Variants in C2CD3 observed in about 807,000 individuals in gnomAD.
The protein encoded by C2CD3 is C2 domain-containing protein 3.
Under a neutral mutation model 234.0 loss-of-function variants are expected in C2CD3, and 148 were observed. That is an observed-to-expected ratio of 0.63 (90% CI 0.55 to 0.72). C2CD3 has a LOEUF of 0.72. Ranked by LOEUF, C2CD3 falls within the 30% of genes least tolerant of loss-of-function variation. C2CD3 has a pLI of 0.00. For missense variants in C2CD3, 2,577 were observed against 2,811.5 expected, an observed-to-expected ratio of 0.92 and a Z score of 1.89; for synonymous variants, 1,000 against 1,035.4, an observed-to-expected ratio of 0.97 and a Z score of 0.66.
chr11:74,095,480 A>C (rs1282933101), intron 16 of C2CD3, 72 bp from the exon 17 acceptor site: 2 of 1,173,420 alleles, frequency 1.7e-6, no homozygotes, highest in Admixed American at 4.1e-5. Context: ...CTTCTCTATG[A>C]AGTCTGAGTA....
intron 18 of C2CD3, among the ~76,000 whole-genome samples, 181 bp from the exon 19 acceptor site, chr11:74,092,769 TTA>T (rs1199144023): frequency 4.8e-5 from 7 of 145,532 alleles, no homozygotes; most frequent in African/African-American, 1.7e-4. Context: ...ACTCCATAAA[TTA>T]TACCGAGTTC....
rs900898449 is a variant in C2CD3 at position 74,100,681 on chromosome 11, G to C, written c.2581-5C>G. 1.9e-6 allele frequency: 3 copies of C among 1,600,840 alleles called. No homozygotes were observed. The highest frequency in any genetic ancestry group is 2.6e-6 in the Non-Finnish European group (3 of 1,176,464). ...AGACAGAGAGACAGGAATCACCTAA[G>C]AGAGAGGAACAACCAAAACAAACAA... On this transcript the variant is annotated splice_polypyrimidine_tract_variant and splice_region_variant and intron_variant, in intron 14 of 32. Coordinates refer to ENST00000334126, the MANE Select transcript of C2CD3 (RefSeq NM_001286577.2).
intron 1 of C2CD3, 97 bp from the exon 2 acceptor site, chr11:74,168,710 C>G: frequency 8.7e-7 from 1 of 1,149,598 alleles, no homozygotes; most frequent in Non-Finnish European, 1.2e-6. Flanking sequence ...ACACTTTAGT[C>G]TTAAGTTCAG....
intron 30 of C2CD3, among the ~76,000 whole-genome samples, chr11:74,035,668 GGCATAATGGA>G: frequency 6.6e-6 from 1 of 151,538 alleles, no homozygotes; most frequent in African/African-American, 2.4e-5. Flanking sequence ...AGCATACTGA[GGCATAATGGA>G]GCATAATGGA....
chr11:74,143,301 A>G (rs896387736), intron 3 of C2CD3, among the ~76,000 whole-genome samples: 4 of 152,146 alleles, frequency 2.6e-5, no homozygotes, highest in Admixed American at 2.0e-4. Context: ...AATTTTCACA[A>G]TCATGTTGGT....
intron 8 of C2CD3, among the ~76,000 whole-genome samples, 160 bp from the exon 9 acceptor site, chr11:74,118,542 T>A (rs980234290): frequency 2.0e-5 from 3 of 152,232 alleles, no homozygotes. Flanking sequence ...CTCCTGGTTA[T>A]ACAAAAATAA....
At chr11:74,155,661 C>T (rs1417359508) in intron 3 of C2CD3, among the ~76,000 whole-genome samples, 2 of 151,986 alleles carry the variant, frequency 1.3e-5, no homozygotes, top group African/African-American at 4.8e-5. Context: ...TATATTATTC[C>T]ATCTGTATAA....
At chr11:74,047,158 A>G (rs1252863733) in intron 28 of C2CD3, among the ~76,000 whole-genome samples, 1 of 152,198 alleles carries the variant, frequency 6.6e-6, no homozygotes, top group Non-Finnish European at 1.5e-5. Flanking sequence ...CTGTCCCTTG[A>G]GCAGGGCAGG....
intron 16 of C2CD3, among the ~76,000 whole-genome samples, chr11:74,095,633 A>G (rs1214360460): frequency 6.6e-6 from 1 of 152,236 alleles, no homozygotes; most frequent in African/African-American, 2.4e-5. Context: ...AAATCCATAA[A>G]TGTAATTCAG....
At chr11:74,073,624 C>A (rs942010293) in intron 24 of C2CD3, among the ~76,000 whole-genome samples, 21 of 150,468 alleles carry the variant, frequency 1.4e-4, no homozygotes, top group South Asian at 4.2e-4. Context: ...AACAAAAAAA[C>A]CCCCCTAACT....
intron 1 of C2CD3, among the ~76,000 whole-genome samples, chr11:74,170,159 C>G (rs1377666723): frequency 6.6e-6 from 1 of 152,124 alleles, no homozygotes; most frequent in Non-Finnish European, 1.5e-5. Flanking sequence ...TTCAGGAGAT[C>G]GTCATGCCCT....
rs397943793 is a variant in C2CD3 at position 74,085,142 on chromosome 11, A to AT, written c.3911-173dup. Among the ~76,000 whole-genome samples, 31,421 of 139,308 alleles carry AT rather than the reference A, an allele frequency of 0.23. 3,718 individuals carry two copies. The highest frequency in any genetic ancestry group is 0.3 in the East Asian group (1,422 of 4,784). The allele number at this position is 139,308 out of a possible 152,430, so 91.4% of individuals were successfully genotyped here. ...CCCCAATCAAAGCCTGAATGCCTTCATTTTTTTTTTTTTTTGGCAGGGTCT... is the reference window on the plus strand; with the variant it reads ...CCCCAATCAAAGCCTGAATGCCTTCATTTTTTTTTTTTTTTTGGCAGGGTCT... On this transcript the variant is annotated intron_variant, in intron 21 of 32. Transcript: ENST00000334126.
intron 3 of C2CD3, among the ~76,000 whole-genome samples, chr11:74,143,249 T>C (rs1854927199): frequency 6.6e-6 from 1 of 152,184 alleles, no homozygotes; most frequent in Non-Finnish European, 1.5e-5. Context: ...CTACTATATC[T>C]ACAACATGTA....
intron 23 of C2CD3, among the ~76,000 whole-genome samples, chr11:74,076,671 A>T (rs867018972): frequency 1.3e-5 from 2 of 152,292 alleles, no homozygotes; most frequent in Middle Eastern, 3.4e-3. Context: ...GTATCCTAAC[A>T]TGCAGCTGTC....
chr11:74,167,643 G>A (rs7130254), intron 2 of C2CD3, among the ~76,000 whole-genome samples: 10,823 of 152,182 alleles, frequency 0.071, 435 homozygotes, highest in Middle Eastern at 0.12. Flanking sequence ...ATAAATGCTC[G>A]AATTTTATTG....
At chr11:74,030,261 A>G (rs541970327) in intron 31 of C2CD3, among the ~76,000 whole-genome samples, 49 of 152,288 alleles carry the variant, frequency 3.2e-4, no homozygotes, top group Non-Finnish European at 5.9e-4. Context: ...TATTGTTTTA[A>G]GGATTAAATG....
chr11:74,113,700 A>AT, intron 11 of C2CD3, 80 bp downstream of exon 11: 4 of 818,832 alleles, frequency 4.9e-6, no homozygotes, highest in African/African-American at 1.7e-5. Flanking sequence ...AAAAAAAAAA[A>AT]GTCAAATGAG....
chr11:74,110,865 T>A (rs1956716931), intron 11 of C2CD3, among the ~76,000 whole-genome samples: 1 of 152,142 alleles, frequency 6.6e-6, no homozygotes, highest in African/African-American at 2.4e-5. Flanking sequence ...ATATTATTGT[T>A]AAGAGAGGCC....
intron 11 of C2CD3, among the ~76,000 whole-genome samples, chr11:74,109,705 A>G (rs1164690224): frequency 1.3e-5 from 2 of 152,186 alleles, no homozygotes; most frequent in Non-Finnish European, 2.9e-5. Context: ...TGCTATAACT[A>G]TAAGTGTAAG....
Sources: allele counts gnomAD v4.1 joint callset (sites outside exome capture counted in the v4.1 genomes callset), GRCh38; gene constraint gnomAD v4.1.1; transcripts MANE v1.5; gene names NCBI Gene and HGNC (gene_info 2026-07-23, HGNC 2026-07-21).